The following CHODL variants were observed in gnomAD, a reference collection of about 807,000 sequenced individuals.
The protein encoded by CHODL is transmembrane protein MT75.
A neutral mutation model predicts 34.5 loss-of-function variants in CHODL; 29 were observed. That is an observed-to-expected ratio of 0.84 (90% confidence interval 0.63 to 1.15). The LOEUF (loss-of-function observed/expected upper bound fraction) is 1.15. CHODL is among the 50% of genes most tolerant of loss of function. The probability of loss-of-function intolerance (pLI) is 0.00; values close to 1 mark genes in which losing one functional copy is unlikely to be tolerated. For synonymous variants in CHODL, 125 were observed against 116.1 expected (o/e 1.08, Z -0.49); for missense variants, 332 against 332.5 (o/e 1.00, Z 0.01).
chr21:18,040,053 T>C (rs1465767360), intron 2 of CHODL, among the ~76,000 whole-genome samples: 1 of 151,906 alleles, frequency 6.6e-6, no homozygotes, highest in Non-Finnish European at 1.5e-5. Flanking sequence ...CAGAACATTC[T>C]TTCAAAAGAA....
intron 1 of CHODL, among the ~76,000 whole-genome samples, chr21:17,951,617 C>G (rs2146342332): frequency 6.6e-6 from 1 of 152,210 alleles, no homozygotes; most frequent in South Asian, 2.1e-4. Flanking sequence ...GGTAAAGAGT[C>G]AATTTCAAGA....
At chr21:18,255,982 C>T (rs2074310607) in intron 1 of CHODL, among the ~76,000 whole-genome samples, 1 of 152,006 alleles carries the variant, frequency 6.6e-6, no homozygotes. Flanking sequence ...TTCATTCTGT[C>T]CCCTTTTAAC....
intron 1 of CHODL, among the ~76,000 whole-genome samples, chr21:17,958,204 G>A (rs1324995789): frequency 6.6e-6 from 1 of 151,828 alleles, no homozygotes; most frequent in Non-Finnish European, 1.5e-5. Context: ...TTCCTCATGG[G>A]CTTTTCTTCT....
At chr21:18,160,983 T>G (rs1232586189) in intron 2 of CHODL, among the ~76,000 whole-genome samples, 1 of 152,182 alleles carries the variant, frequency 6.6e-6, no homozygotes, top group Non-Finnish European at 1.5e-5. Context: ...TCCACAACCT[T>G]GCCAGTATCT....
intron 2 of CHODL, among the ~76,000 whole-genome samples, chr21:18,165,523 A>G (rs188428341): frequency 8.9e-4 from 136 of 152,302 alleles, no homozygotes; most frequent in Admixed American, 2.8e-3. Flanking sequence ...GTTGGTAAGG[A>G]CAGATCATCT....
chr21:18,079,547 T>C (rs2064910657), intron 2 of CHODL, among the ~76,000 whole-genome samples: 2 of 150,012 alleles, frequency 1.3e-5, no homozygotes, highest in South Asian at 4.2e-4. Flanking sequence ...ACCATATGTA[T>C]GTGATAAATA....
At chr21:18,166,123 G>A (rs1432983482) in intron 2 of CHODL, among the ~76,000 whole-genome samples, 1 of 152,156 alleles carries the variant, frequency 6.6e-6, no homozygotes, top group Non-Finnish European at 1.5e-5. Context: ...CTCATGATTA[G>A]TGGTAAAAAT....
intron 1 of CHODL, among the ~76,000 whole-genome samples, chr21:17,959,023 C>G (rs1036091742): frequency 1.3e-5 from 2 of 152,000 alleles, no homozygotes; most frequent in African/African-American, 4.8e-5. Context: ...GACAAAACTA[C>G]ACAAGTTCCT....
chr21:18,002,754 G>A (rs1446789455), intron 1 of CHODL, among the ~76,000 whole-genome samples: 3 of 152,170 alleles, frequency 2.0e-5, no homozygotes, highest in African/African-American at 7.2e-5. Context: ...AATATGGTTT[G>A]ATGGACAGAG....
chr21:18,116,620 G>A (rs1432030054), intron 2 of CHODL, among the ~76,000 whole-genome samples: 1 of 152,202 alleles, frequency 6.6e-6, no homozygotes, highest in Non-Finnish European at 1.5e-5. Context: ...CAGATTTTCA[G>A]TAAAGGGAAA....
chr21:18,246,489 G>A (rs2074143288), intron 1 of CHODL, among the ~76,000 whole-genome samples: 1 of 152,114 alleles, frequency 6.6e-6, no homozygotes, highest in African/African-American at 2.4e-5. Flanking sequence ...TCAGAATATA[G>A]TTCTTACATG....
intron 2 of CHODL, among the ~76,000 whole-genome samples, chr21:18,218,161 G>C (rs1484047184): frequency 2.6e-5 from 4 of 152,244 alleles, no homozygotes; most frequent in Admixed American, 1.3e-4. Flanking sequence ...TGGGGACTCT[G>C]TATGGGGGCT....
At chr21:18,132,155 T>C (rs928883186) in intron 2 of CHODL, among the ~76,000 whole-genome samples, 2 of 152,144 alleles carry the variant, frequency 1.3e-5, no homozygotes, top group African/African-American at 4.8e-5. Context: ...TATATATACA[T>C]GTGCCGTGTG....
At chr21:18,187,760 A>G (rs1229109885) in intron 2 of CHODL, among the ~76,000 whole-genome samples, 1 of 152,128 alleles carries the variant, frequency 6.6e-6, no homozygotes, top group African/African-American at 2.4e-5. Flanking sequence ...ATATGAAATC[A>G]TCTCTGCTGC....
intron 2 of CHODL, among the ~76,000 whole-genome samples, chr21:18,223,691 A>C (rs777164987): frequency 1.2e-4 from 18 of 152,138 alleles, no homozygotes; most frequent in Non-Finnish European, 2.4e-4. Context: ...ACCCACCAGC[A>C]CCAAATGGCA....
At chr21:17,941,669 GCTAT>G (rs753414113) in intron 1 of CHODL, among the ~76,000 whole-genome samples, 42 of 152,150 alleles carry the variant, frequency 2.8e-4, no homozygotes, top group African/African-American at 7.5e-4. Flanking sequence ...GTGATATTTG[GCTAT>G]CTATTTTTGG....
At chr21:18,236,376 C>T (rs762625322) in intron 2 of CHODL, among the ~76,000 whole-genome samples, 11 of 152,118 alleles carry the variant, frequency 7.2e-5, no homozygotes, top group East Asian at 1.9e-4. Context: ...GATGAGACTT[C>T]GGTGGGGACA....
intron 1 of CHODL, among the ~76,000 whole-genome samples, chr21:17,919,467 G>C (rs1347890923): frequency 6.6e-6 from 1 of 152,192 alleles, no homozygotes; most frequent in Non-Finnish European, 1.5e-5. Context: ...AGCCCAAGCT[G>C]TTACTTTTAG....
At chr21:18,155,165 A>G (rs911889127) in intron 2 of CHODL, among the ~76,000 whole-genome samples, 4 of 152,186 alleles carry the variant, frequency 2.6e-5, no homozygotes, top group Non-Finnish European at 2.9e-5. Flanking sequence ...GTTTCCCATC[A>G]TAATTGGGAA....
Sources: allele counts gnomAD v4.1 joint callset (sites outside exome capture counted in the v4.1 genomes callset), GRCh38; gene constraint gnomAD v4.1.1; transcripts MANE v1.5; gene names NCBI Gene and HGNC (gene_info 2026-07-23, HGNC 2026-07-21).